Variants in PAX5 observed in about 807,000 individuals in gnomAD.
The protein encoded by PAX5 is paired box 5.
In PAX5, 9 loss-of-function variants were observed where a neutral mutation model predicts 43.7. The observed-to-expected ratio is 0.21, with a 90% CI of 0.12 to 0.36. The LOEUF (loss-of-function observed/expected upper bound fraction) is 0.36, where lower values mean the gene tolerates loss of function less well. PAX5 is among the 10% of genes least tolerant of loss of function. The pLI, the probability that PAX5 is intolerant of heterozygous loss-of-function variation, is 1.00. For missense variants in PAX5, 383 were observed against 532.7 expected (o/e 0.72, Z 2.77); for synonymous variants, 228 against 214.3 (o/e 1.06, Z -0.56).
intron 5 of PAX5, among the ~76,000 whole-genome samples, chr9:36,989,743 G>A (rs917938484): frequency 5.3e-5 from 8 of 152,176 alleles, no homozygotes; most frequent in African/African-American, 9.7e-5. Context: ...CTTGGGGAAC[G>A]TTTGACGTGC....
At chr9:36,865,103 T>C (rs912238284) in intron 8 of PAX5, among the ~76,000 whole-genome samples, 1 of 152,166 alleles carries the variant, frequency 6.6e-6, no homozygotes, top group Non-Finnish European at 1.5e-5. Context: ...CAGGCAGCCA[T>C]TCAGGGCAGC....
intron 6 of PAX5, chr9:36,930,930 C>G: frequency 5.3e-6 from 5 of 951,778 alleles, no homozygotes; most frequent in Non-Finnish European, 7.4e-6. Flanking sequence ...ATTGTCTCAT[C>G]AGCACGGGGC....
intron 7 of PAX5, among the ~76,000 whole-genome samples, chr9:36,921,027 G>A (rs1587974729): frequency 2.0e-5 from 3 of 152,096 alleles, no homozygotes; most frequent in Admixed American, 6.6e-5. Context: ...TGGCCGGGCT[G>A]GTCTAGAACC....
At chr9:37,006,122 A>T (rs561116167) in intron 4 of PAX5, among the ~76,000 whole-genome samples, 1 of 152,356 alleles carries the variant, frequency 6.6e-6, no homozygotes, top group East Asian at 1.9e-4. Flanking sequence ...CTACTTACTG[A>T]CTAATGATGC....
At chr9:36,993,047 T>C (rs565915618) in intron 5 of PAX5, among the ~76,000 whole-genome samples, 1 of 152,370 alleles carries the variant, frequency 6.6e-6, no homozygotes, top group Non-Finnish European at 1.5e-5. Context: ...TAATGTGTGA[T>C]TTGTCTTCTT....
At position 36,897,311 on chromosome 9, in the gene PAX5, G is replaced by A. The variant is rs576636460; in HGVS notation, c.911-15206C>T. ...AACCGCTGTGGAATCAGGGAGCACC[G>A]GAGCTCGAAGGATGCTAAAGTTCAA... is the stretch of plus-strand genomic sequence containing the variant. On this transcript the variant is annotated intron_variant, in intron 7 of 9. Coordinates refer to ENST00000358127, the MANE Select transcript of PAX5 (RefSeq NM_016734.3). Among the ~76,000 whole-genome samples, 15 of 152,234 alleles carry A rather than the reference G, an allele frequency of 9.9e-5. No homozygotes were observed. The East Asian group carries it at 2.1e-3, about 22-fold the overall frequency.
At chr9:36,877,685 C>G (rs759349725) in intron 8 of PAX5, among the ~76,000 whole-genome samples, 1 of 152,180 alleles carries the variant, frequency 6.6e-6, no homozygotes, top group Non-Finnish European at 1.5e-5. Context: ...CCCGAGAGGT[C>G]ACAAATCAGC....
chr9:37,026,018 T>A (rs1289584821), intron 1 of PAX5, among the ~76,000 whole-genome samples: 1 of 152,228 alleles, frequency 6.6e-6, no homozygotes, highest in East Asian at 1.9e-4. Flanking sequence ...AGGACGCCTT[T>A]GGAGCCCTAG....
At chr9:36,853,112 C>T (rs938549006) in intron 8 of PAX5, among the ~76,000 whole-genome samples, 2 of 152,198 alleles carry the variant, frequency 1.3e-5, no homozygotes, top group Non-Finnish European at 2.9e-5. Context: ...ATCCCTCTAG[C>T]CTTTCTTTCA....
intron 5 of PAX5, among the ~76,000 whole-genome samples, chr9:36,996,093 G>A (rs1205644659): frequency 6.6e-6 from 1 of 152,208 alleles, no homozygotes; most frequent in Non-Finnish European, 1.5e-5. Context: ...GAATCGCTCC[G>A]TGGCTCCACA....
chr9:37,016,093 A>T lies in PAX5; in HGVS notation c.213-899T>A, dbSNP rs534930320. Among the ~76,000 whole-genome samples, 14 of 152,354 alleles carry T rather than the reference A, an allele frequency of 9.2e-5. No individual in the cohort carries two copies. In the East Asian group the frequency reaches 2.7e-3, roughly 29 times the overall value. Reference sequence around the variant, plus strand: ...CCTGATCTACAGGTATAAAGCAGAGATTCATCAAGGTTAAACAGTTTTCCT... The same window carrying T: ...CCTGATCTACAGGTATAAAGCAGAGTTTCATCAAGGTTAAACAGTTTTCCT... On this transcript the variant is annotated intron_variant, in intron 2 of 9. Coordinates refer to ENST00000358127, the MANE Select transcript of PAX5 (RefSeq NM_016734.3).
At chr9:36,858,117 A>G (rs1823851042) in intron 8 of PAX5, among the ~76,000 whole-genome samples, 1 of 152,222 alleles carries the variant, frequency 6.6e-6, no homozygotes, top group Non-Finnish European at 1.5e-5. Flanking sequence ...GGTAATTACA[A>G]CACTCAGAGG....
At position 36,866,861 on chromosome 9, in the gene PAX5, T is replaced by C. The variant is rs529668537; in HGVS notation, c.1012+15143A>G. Reference sequence around the variant, plus strand: ...CAGCTACAGAACACACAACGGCCTCTCCGTTGAACACACAACACGCTCCAC... The same window carrying C: ...CAGCTACAGAACACACAACGGCCTCCCCGTTGAACACACAACACGCTCCAC... On this transcript the variant is annotated intron_variant, in intron 8 of 9. Coordinates refer to ENST00000358127, the MANE Select transcript of PAX5 (RefSeq NM_016734.3). 2.0e-5 allele frequency among the ~76,000 whole-genome samples: 3 copies of C among 152,136 alleles called. No homozygotes were observed. The East Asian group carries it at 5.8e-4, about 29-fold the overall frequency.
In PAX5 at chr9:36,882,012, A is replaced by G; in HGVS notation, c.1004T>C (p.Met335Thr). The G allele has an allele frequency of 6.2e-7, 1 of 1,610,920 alleles. No individual in the cohort carries two copies. The highest frequency in any genetic ancestry group is 8.5e-7 in the Non-Finnish European group (1 of 1,178,398). ...GSYSAPTLTGMVPGSEFSGSP... is the reference protein window; with the variant it reads ...GSYSAPTLTGTVPGSEFSGSP... ...CGACAGTGCAAACTCACCAGGCACC[A>G]TCCCTGTCAGCGTCGGTGCTGAGTA... is the stretch of plus-strand genomic sequence containing the variant. Residue 335 changes from methionine (M) to threonine (T), a missense_variant, in exon 8 of 10, where the codon ATG becomes ACG. By Grantham distance (81) the Met-to-Thr change is moderately conservative. Transcript: ENST00000358127. The surrounding 1 kb of genome is among the most constrained non-coding windows in gnomAD (Gnocchi z 4.4).
At chr9:36,880,597 C>A (rs1421248836) in intron 8 of PAX5, among the ~76,000 whole-genome samples, 15 of 152,210 alleles carry the variant, frequency 9.9e-5, no homozygotes, top group African/African-American at 3.4e-4. Flanking sequence ...GGGTATCGCT[C>A]TGTCGCCCAG....
intron 7 of PAX5, among the ~76,000 whole-genome samples, chr9:36,891,703 C>T (rs924294664): frequency 2.0e-5 from 3 of 152,194 alleles, no homozygotes; most frequent in African/African-American, 7.2e-5. Flanking sequence ...GTTTATTAGC[C>T]ATTAGTTTGG....
intron 5 of PAX5, among the ~76,000 whole-genome samples, chr9:36,994,679 G>A (rs1471562806): frequency 6.6e-6 from 1 of 152,170 alleles, no homozygotes. Flanking sequence ...ACTTGAGCGG[G>A]GAGCGCATGA....
At position 36,881,796 on chromosome 9, in the gene PAX5, C is replaced by T. The variant is rs561833745; in HGVS notation, c.1012+208G>A. 7.9e-5 allele frequency among the ~76,000 whole-genome samples: 12 copies of T among 152,190 alleles called. 1 individual carries two copies. In the South Asian group the frequency reaches 2.5e-3, roughly 32 times the overall value. ...TTTGAGTGACAGTCAAAGACCCTCC[C>T]CTCGCCCCCGGTGTCCTCCCTGGTG... On this transcript the variant is annotated intron_variant, in intron 8 of 9. Coordinates refer to ENST00000358127, the MANE Select transcript of PAX5 (RefSeq NM_016734.3).
intron 5 of PAX5, among the ~76,000 whole-genome samples, chr9:36,974,328 C>A (rs957878728): frequency 6.6e-6 from 1 of 152,204 alleles, no homozygotes; most frequent in Admixed American, 6.5e-5. Flanking sequence ...GATAACAGGG[C>A]TGCAAAGCTC....
Sources: allele counts gnomAD v4.1 joint callset (sites outside exome capture counted in the v4.1 genomes callset), GRCh38; gene constraint gnomAD v4.1.1; non-coding constraint Gnocchi (gnomAD v3.1); transcripts MANE v1.5; gene names NCBI Gene and HGNC (gene_info 2026-07-23, HGNC 2026-07-21).